Variants in DDX60 observed in about 807,000 individuals in gnomAD.
The protein encoded by DDX60 is DExD/H-box helicase 60.
In DDX60, 165 loss-of-function variants were observed where a neutral mutation model predicts 212.8. That is an observed-to-expected ratio of 0.78 (90% CI 0.68 to 0.88). The LOEUF is 0.88. DDX60 is among the 40% of genes least tolerant of loss of function. The probability of loss-of-function intolerance (pLI) is 0.00; values close to 1 mark genes in which losing one functional copy is unlikely to be tolerated. For missense variants in DDX60, 1,905 were observed against 2,003.9 expected, an observed-to-expected ratio of 0.95 and a Z score of 0.94; for synonymous variants, 703 against 685.3, an observed-to-expected ratio of 1.03 and a Z score of -0.40.
At chr4:168,322,631 T>A (rs1335716209), upstream of DDX60, among the ~76,000 whole-genome samples, 3 of 152,226 alleles carry the variant, frequency 2.0e-5, no homozygotes, top group Non-Finnish European at 4.4e-5. Flanking sequence ...CCTCTCTTCT[T>A]AGAACACTTC....
chr4:168,266,735 A>T (rs372008700), intron 22 of DDX60, among the ~76,000 whole-genome samples: 1 of 152,202 alleles, frequency 6.6e-6, no homozygotes, highest in East Asian at 1.9e-4. Context: ...GGAGGTATGC[A>T]TTTAGCTTTT....
Position 168,216,548 on chromosome 4 carries a change from T to C in DDX60, c.*385A>G, listed in dbSNP as rs1312649482. ...ATTTTTTCTAGCCTTAATAAACATTTTATAAATACTGACACTGGGGATAAA... is the reference window on the plus strand; with the variant it reads ...ATTTTTTCTAGCCTTAATAAACATTCTATAAATACTGACACTGGGGATAAA... On this transcript the variant is annotated 3_prime_UTR_variant, in exon 38 of 38. Transcript: ENST00000393743. 1.3e-5 allele frequency: 2 copies of C among 155,230 alleles called. No individual in the cohort carries two copies. The highest frequency in any genetic ancestry group is 4.8e-5 in the African/African-American group (2 of 41,560). 9.6% of individuals were successfully genotyped at this position (155,230 alleles called of 1,614,324 possible). A position where few individuals can be genotyped will look rare whatever the true frequency, so the allele number is the denominator to read the frequency against.
chr4:168,308,070 A>G lies in DDX60; in HGVS notation c.200T>C (p.Leu67Pro). Residue 67 changes from leucine (L) to proline (P), a missense_variant, in exon 4 of 38, where the codon CTG becomes CCG. Leu to Pro is a moderately conservative substitution (Grantham distance 98). Transcript: ENST00000393743. The stretch of plus-strand genomic sequence containing the variant: ...AAGATCCACAAGATAGCGTTCAACC[A>G]GATAGAAGAAATGGAGGTTCTGCCC... The part of the protein sequence containing the change: ...KPGQNLHFFY[L>P]VERYLVDLIS... 6.2e-7 allele frequency: 1 copy of G among 1,612,334 alleles called. No individual in the cohort carries two copies. The highest frequency in any genetic ancestry group is 1.1e-5 in the South Asian group (1 of 90,496).
chr4:168,261,894 A>T, intron 24 of DDX60, 106 bp downstream of exon 24: 1 of 1,300,780 alleles, frequency 7.7e-7, no homozygotes, highest in East Asian at 2.8e-5. Flanking sequence ...AAATTTCTAA[A>T]ATAAAAATTG....
chr4:168,234,339 T>C (rs898328194), intron 33 of DDX60, among the ~76,000 whole-genome samples: 31 of 152,088 alleles, frequency 2.0e-4, no homozygotes, highest in African/African-American at 7.5e-4. Flanking sequence ...TCCCATTATA[T>C]ATACATTAAA....
chr4:168,250,213 T>A (rs1734166904), intron 28 of DDX60, among the ~76,000 whole-genome samples: 1 of 152,142 alleles, frequency 6.6e-6, no homozygotes, highest in South Asian at 2.1e-4. Flanking sequence ...TTTGCCAAAG[T>A]ATTTATTTAG....
Position 168,302,389 on chromosome 4 carries a change from T to C in DDX60, c.634A>G (p.Thr212Ala), listed in dbSNP as rs750817245. 2 of 1,566,618 alleles carry C rather than the reference T, an allele frequency of 1.3e-6. No individual in the cohort carries two copies. Among genetic ancestry groups the C allele is most frequent in the South Asian group, 1.2e-5 (1 of 81,358 alleles). Reference sequence around the variant, plus strand: ...CTTTCCAACTGGTTAAGCAGGGTTGTATAAGCATCTTTAATGTTCTGCTTA... The same window carrying C: ...CTTTCCAACTGGTTAAGCAGGGTTGCATAAGCATCTTTAATGTTCTGCTTA... Reference protein sequence around the residue: ...KNKQNIKDAYTTLLNQLERFK... With the variant: ...KNKQNIKDAYATLLNQLERFK... Residue 212 changes from threonine (T) to alanine (A), a missense_variant, in exon 6 of 38, where the codon ACA (threonine) becomes GCA (alanine). By Grantham distance (58) the Thr-to-Ala change is moderately conservative. Transcript: ENST00000393743.
chr4:168,231,081 C>T lies in DDX60; in HGVS notation c.4533+5171G>A, dbSNP rs533922400. On this transcript the variant is annotated intron_variant, in intron 33 of 37. Transcript: ENST00000393743. Reference sequence around the variant, plus strand: ...TTCAAGGCTACTATGAACACCTTTACGCACACAAACTGGAAAACTTAGAGG... The same window carrying T: ...TTCAAGGCTACTATGAACACCTTTATGCACACAAACTGGAAAACTTAGAGG... Among the ~76,000 whole-genome samples, 18 of 151,792 alleles carry T rather than the reference C, an allele frequency of 1.2e-4. No individual in the cohort carries two copies. In the South Asian group the frequency reaches 1.2e-3, roughly 11 times the overall value.
At chr4:168,303,541 T>C (rs1353738502) in intron 5 of DDX60, among the ~76,000 whole-genome samples, 1 of 152,182 alleles carries the variant, frequency 6.6e-6, no homozygotes, top group African/African-American at 2.4e-5. Flanking sequence ...ACCACTTATA[T>C]GTTGGTGATC....
At chr4:168,297,979 C>T (rs534193612) in intron 6 of DDX60, among the ~76,000 whole-genome samples, 1 of 150,916 alleles carries the variant, frequency 6.6e-6, no homozygotes, top group South Asian at 2.1e-4. Flanking sequence ...CTAGAAAACC[C>T]ACTATACACA....
chr4:168,285,311 G>T (rs550357707), intron 11 of DDX60, 82 bp downstream of exon 11: 10 of 826,328 alleles, frequency 1.2e-5, no homozygotes, highest in Non-Finnish European at 2.0e-5. Context: ...TACTCTAATC[G>T]TCTGCATTTC....
chr4:168,269,087 C>T (rs1045787396), intron 19 of DDX60, 118 bp from the exon 20 acceptor site: 2 of 517,410 alleles, frequency 3.9e-6, no homozygotes, highest in Non-Finnish European at 7.0e-6. Context: ...TTTAAGTGAC[C>T]ATGCCAAGTT....
intron 33 of DDX60, among the ~76,000 whole-genome samples, chr4:168,235,441 A>G (rs533880814): frequency 6.6e-6 from 1 of 152,268 alleles, no homozygotes; most frequent in South Asian, 2.1e-4. Flanking sequence ...ATATAAATTT[A>G]TATAAACAGA....
chr4:168,316,001 C>A (rs750174032), intron 1 of DDX60, among the ~76,000 whole-genome samples: 4 of 152,132 alleles, frequency 2.6e-5, no homozygotes, highest in Admixed American at 1.3e-4. Context: ...GGAATGGCCA[C>A]GCTGTCTTCC....
At chr4:168,297,354 G>T (rs1560870368) in intron 6 of DDX60, among the ~76,000 whole-genome samples, 2 of 72,104 alleles carry the variant, frequency 2.8e-5, no homozygotes, top group African/African-American at 1.1e-4. Flanking sequence ...AAGAAAGAAA[G>T]AAAGAAAGAA....
At chr4:168,311,846 C>T (rs562325058) in intron 1 of DDX60, among the ~76,000 whole-genome samples, 3 of 152,082 alleles carry the variant, frequency 2.0e-5, no homozygotes, top group Non-Finnish European at 4.4e-5. Context: ...ATTTTCTTTT[C>T]GTCCTAGAAT....
chr4:168,308,415 A>T (rs1212447163), intron 3 of DDX60, among the ~76,000 whole-genome samples: 3 of 152,108 alleles, frequency 2.0e-5, no homozygotes, highest in African/African-American at 7.2e-5. Context: ...TCAGAGAGCA[A>T]AGTATCCAAA....
intron 21 of DDX60, 37 bp from the exon 22 acceptor site, chr4:168,267,728 A>G (rs1734909933): frequency 1.3e-6 from 2 of 1,549,672 alleles, no homozygotes; most frequent in African/African-American, 1.4e-5. Flanking sequence ...CATCAATGGA[A>G]ATGTAATCAC....
chr4:168,243,867 A>T (rs1035063894), intron 30 of DDX60, among the ~76,000 whole-genome samples: 1 of 152,228 alleles, frequency 6.6e-6, no homozygotes. Context: ...ATGCCCATTA[A>T]CAATAGACTG....
Sources: allele counts gnomAD v4.1 joint callset (sites outside exome capture counted in the v4.1 genomes callset), GRCh38; gene constraint gnomAD v4.1.1; transcripts MANE v1.5; gene names NCBI Gene and HGNC (gene_info 2026-07-23, HGNC 2026-07-21).